The following PKHD1 variants were observed in gnomAD, a reference collection of about 807,000 sequenced individuals.
PKHD1 encodes fibrocystin.
PKHD1 carries 291 observed loss-of-function variants against 412.0 expected under a neutral mutation model. The ratio of observed to expected loss-of-function variants is 0.71; its 90% CI spans 0.64 to 0.78. The LOEUF (loss-of-function observed/expected upper bound fraction) is 0.78. PKHD1 is among the 30% of genes least tolerant of loss of function. The probability of loss-of-function intolerance (pLI) is 0.00; values close to 1 mark genes in which losing one functional copy is unlikely to be tolerated. For missense variants in PKHD1, 4,825 were observed against 4,950.7 expected (o/e 0.97, Z 0.76); for synonymous variants, 1,777 against 1,821.5 (o/e 0.98, Z 0.62).
chr6:51,744,344 C>A (rs1416124517), intron 60 of PKHD1, 41 bp downstream of exon 60: 3 of 1,580,884 alleles, frequency 1.9e-6, no homozygotes, highest in African/African-American at 2.7e-5. Flanking sequence ...TCACAAGCAC[C>A]CTTGCCTCTA....
intron 60 of PKHD1, among the ~76,000 whole-genome samples, chr6:51,670,605 T>A (rs1308555387): frequency 6.6e-6 from 1 of 151,850 alleles, no homozygotes; most frequent in Non-Finnish European, 1.5e-5. Context: ...GTTAGCTGGT[T>A]ATTTTGCTCG....
chr6:51,723,796 AG>A (rs1195628766), intron 60 of PKHD1, among the ~76,000 whole-genome samples: 1 of 152,144 alleles, frequency 6.6e-6, no homozygotes, highest in Non-Finnish European at 1.5e-5. Flanking sequence ...AAAGAGAGAA[AG>A]ACAGAGAGAG....
chr6:51,834,754 CTT>C (rs1249458846), intron 51 of PKHD1, among the ~76,000 whole-genome samples: 1 of 152,102 alleles, frequency 6.6e-6, no homozygotes, highest in Non-Finnish European at 1.5e-5. Flanking sequence ...ATCTGTAACT[CTT>C]TGTGTTTTGA....
chr6:51,834,127 T>C (rs1034956776), intron 51 of PKHD1, among the ~76,000 whole-genome samples: 1 of 152,180 alleles, frequency 6.6e-6, no homozygotes, highest in Non-Finnish European at 1.5e-5. Flanking sequence ...GACAGCTGTC[T>C]GCTAAAGGAA....
At chr6:51,765,193 A>G (rs548527877) in intron 55 of PKHD1, among the ~76,000 whole-genome samples, 1 of 152,172 alleles carries the variant, frequency 6.6e-6, no homozygotes, top group East Asian at 1.9e-4. Flanking sequence ...TGCAGTCATC[A>G]GGAGGACCAG....
chr6:52,085,023 TA>T lies in PKHD1; in HGVS notation c.-84-7del. 2 of 925,460 alleles carry T rather than the reference TA, an allele frequency of 2.2e-6. No homozygotes were observed. Among genetic ancestry groups the T allele is most frequent in the Non-Finnish European group, 3.6e-6 (2 of 561,146 alleles). 57.3% of individuals were successfully genotyped at this position (925,460 alleles called of 1,614,324 possible). A position where few individuals can be genotyped will look rare whatever the true frequency, so the allele number is the denominator to read the frequency against. On this transcript the variant is annotated splice_polypyrimidine_tract_variant and splice_region_variant and intron_variant, in intron 1 of 66. Transcript: ENST00000371117. ...GGAGCAGCATAGCTTTTGTGCTTTA[TA>T]AAAACAAAAAAAGCAAAAAAAAATT... is the stretch of plus-strand genomic sequence containing the variant.
chr6:51,682,063 T>C (rs1027336327), intron 60 of PKHD1: 1 of 214,520 alleles, frequency 4.7e-6, no homozygotes, highest in Non-Finnish European at 9.8e-6. Flanking sequence ...GCCTTTGTTG[T>C]TTTAAGCTGT....
intron 36 of PKHD1, among the ~76,000 whole-genome samples, chr6:51,959,390 C>T (rs769556458): frequency 3.3e-5 from 5 of 152,040 alleles, no homozygotes; most frequent in Non-Finnish European, 5.9e-5. Context: ...TTCATAAACC[C>T]TAGAGCTATA....
chr6:51,643,317 G>A (rs116462054), intron 63 of PKHD1, among the ~76,000 whole-genome samples: 1,945 of 152,002 alleles, frequency 0.013, 46 homozygotes, highest in African/African-American at 0.045. Flanking sequence ...TCTGTACAAG[G>A]ACCATTCTGG....
intron 37 of PKHD1, among the ~76,000 whole-genome samples, chr6:51,928,977 A>G (rs1298242195): frequency 2.0e-5 from 3 of 152,188 alleles, no homozygotes. Flanking sequence ...TAATAAAGCT[A>G]CATATAAAAA....
intron 37 of PKHD1, among the ~76,000 whole-genome samples, chr6:51,917,055 G>A (rs1054082289): frequency 6.6e-6 from 1 of 150,394 alleles, no homozygotes; most frequent in Non-Finnish European, 1.5e-5. Flanking sequence ...ATCCTTGTGG[G>A]TTAACACACT....
chr6:52,021,035 T>C (rs1215246284), intron 33 of PKHD1, among the ~76,000 whole-genome samples: 1 of 152,208 alleles, frequency 6.6e-6, no homozygotes, highest in Non-Finnish European at 1.5e-5. Flanking sequence ...GCTCTCACAA[T>C]TTCCTCTCAA....
At position 51,636,575 on chromosome 6, in the gene PKHD1, A is replaced by AACACAC. The variant is rs35387983; in HGVS notation, c.11506+2268_11506+2273dup. ...TCTAAAAATAACAACAACAACAACAAACACACACACACACACAAAACAACA... is the reference window on the plus strand; with the variant it reads ...TCTAAAAATAACAACAACAACAACAAACACACACACACACACACACACAAAACAACA... On this transcript the variant is annotated intron_variant, in intron 64 of 66. Coordinates refer to ENST00000371117, the MANE Select transcript of PKHD1 (RefSeq NM_138694.4). Among the ~76,000 whole-genome samples the AACACAC allele has an allele frequency of 8.8e-4, 134 of 151,496 alleles. 1 individual carries two copies. The highest frequency in any genetic ancestry group is 3.2e-3 in the African/African-American group (131 of 41,320).
intron 5 of PKHD1, among the ~76,000 whole-genome samples, chr6:52,077,860 T>G (rs1160498146): frequency 6.6e-6 from 1 of 152,104 alleles, no homozygotes; most frequent in Non-Finnish European, 1.5e-5. Context: ...TGCCAAACAT[T>G]CAGTCCCCAC....
At chr6:51,858,144 C>T (rs757597049) in intron 48 of PKHD1, among the ~76,000 whole-genome samples, 1 of 152,144 alleles carries the variant, frequency 6.6e-6, no homozygotes, top group African/African-American at 2.4e-5. Flanking sequence ...GGAATTCCCA[C>T]CATATTTCAT....
At chr6:51,630,856 C>A (rs1767840518) in intron 65 of PKHD1, among the ~76,000 whole-genome samples, 3 of 152,112 alleles carry the variant, frequency 2.0e-5, no homozygotes, top group African/African-American at 7.2e-5. Flanking sequence ...TTCTTTACAT[C>A]TTTTTTGTTT....
chr6:51,887,727 G>A (rs1317650616), intron 43 of PKHD1, among the ~76,000 whole-genome samples: 1 of 152,142 alleles, frequency 6.6e-6, no homozygotes, highest in Non-Finnish European at 1.5e-5. Context: ...GACCTCCCCA[G>A]AAATTGATGC....
intron 6 of PKHD1, among the ~76,000 whole-genome samples, chr6:52,074,376 G>A (rs973275198): frequency 1.3e-5 from 2 of 152,176 alleles, no homozygotes; most frequent in African/African-American, 4.8e-5. Context: ...AATTTTATAG[G>A]TGCATGGGTA....
intron 18 of PKHD1, 46 bp downstream of exon 18, chr6:52,056,652 A>G (rs1351852866): frequency 7.7e-7 from 1 of 1,292,958 alleles, no homozygotes; most frequent in Admixed American, 1.7e-5. Context: ...AGAAAGAAAG[A>G]AGACCATGAT....
Sources: allele counts gnomAD v4.1 joint callset (sites outside exome capture counted in the v4.1 genomes callset), GRCh38; gene constraint gnomAD v4.1.1; transcripts MANE v1.5; gene names NCBI Gene and HGNC (gene_info 2026-07-23, HGNC 2026-07-21).